TWSG1: variants seen among roughly 807,000 people sequenced by gnomAD.
The protein encoded by TWSG1 is twisted gastrulation protein homolog 1.
In TWSG1, 15 loss-of-function variants were observed where a neutral mutation model predicts 23.0. The ratio of observed to expected loss-of-function variants is 0.65; its 90% CI spans 0.44 to 1.00. TWSG1 has a LOEUF of 1.00. Ranked by LOEUF, TWSG1 falls within the 50% of genes least tolerant of loss-of-function variation. The pLI, the probability that TWSG1 is intolerant of heterozygous loss-of-function variation, is 0.00. For synonymous variants in TWSG1, 86 were observed against 92.8 expected (o/e 0.93, Z 0.42); for missense variants, 242 against 278.7 (o/e 0.87, Z 0.94).
intron 3 of TWSG1, among the ~76,000 whole-genome samples, chr18:9,390,219 G>A (rs570192644): frequency 8.9e-4 from 135 of 151,856 alleles, no homozygotes; most frequent in African/African-American, 3.2e-3. Context: ...AGAGTGCAGT[G>A]GCGCGATCTC....
chr18:9,382,176 C>CT (rs1333990607), intron 3 of TWSG1, among the ~76,000 whole-genome samples: 1 of 150,778 alleles, frequency 6.6e-6, no homozygotes, highest in Non-Finnish European at 1.5e-5. Flanking sequence ...AAAGTTCTAA[C>CT]TTTTGGGAAA....
chr18:9,376,417 TG>T (rs1471518055), intron 3 of TWSG1, among the ~76,000 whole-genome samples: 1 of 152,094 alleles, frequency 6.6e-6, no homozygotes, highest in Non-Finnish European at 1.5e-5. Flanking sequence ...CAAGACAGTG[TG>T]GTAATGGCAA....
chr18:9,396,267 AC>A lies in TWSG1; in HGVS notation c.224-8del. 6.2e-7 allele frequency: 1 copy of A among 1,612,130 alleles called. No homozygotes were observed. Among genetic ancestry groups the A allele is most frequent in the Non-Finnish European group, 8.5e-7 (1 of 1,178,748 alleles). On this transcript the variant is annotated splice_polypyrimidine_tract_variant and intron_variant, in intron 3 of 4. Coordinates refer to ENST00000262120, the MANE Select transcript of TWSG1 (RefSeq NM_020648.6). ...GTAACTAACAAAATCTTATGATATTACCCCCAACCCAGGTATGTGTAATCCT... is the reference window on the plus strand; with the variant it reads ...GTAACTAACAAAATCTTATGATATTACCCCAACCCAGGTATGTGTAATCCT...
rs139450426 is a variant in TWSG1, at chr18:9,382,595, C to T, written c.224-13685C>T. On this transcript the variant is annotated intron_variant, in intron 3 of 4. Transcript: ENST00000262120. ...TTGGGAGGCTGAGGCGGGCAGATCA[C>T]CTGAGGTCAGGAGTTCGCCTGGCCA... Among the ~76,000 whole-genome samples, 507 of 151,440 alleles carry T rather than the reference C, an allele frequency of 3.3e-3. 2 individuals carry two copies. Among genetic ancestry groups the T allele is most frequent in the African/African-American group, 0.012 (482 of 41,236 alleles).
chr18:9,374,134 T>G (rs2040618322), intron 3 of TWSG1, among the ~76,000 whole-genome samples: 1 of 151,864 alleles, frequency 6.6e-6, no homozygotes, highest in African/African-American at 2.4e-5. Flanking sequence ...TTTAGAAAAC[T>G]AGAAAAAGAA....
intron 4 of TWSG1, 73 bp downstream of exon 4, chr18:9,396,619 A>G (rs759850977): frequency 1.6e-5 from 24 of 1,521,014 alleles, no homozygotes; most frequent in Non-Finnish European, 1.9e-5. Flanking sequence ...TAAAACCTAT[A>G]TAAGACCATC....
chr18:9,344,491 A>ATGTGTGTGTG (rs57863617), intron 2 of TWSG1, among the ~76,000 whole-genome samples: 1,964 of 136,674 alleles, frequency 0.014, 73 homozygotes, highest in African/African-American at 0.053. Flanking sequence ...TAGTGAATGC[A>ATGTGTGTGTG]TGTGTGTGTG....
intron 3 of TWSG1, among the ~76,000 whole-genome samples, chr18:9,361,895 A>C (rs1382228738): frequency 6.6e-6 from 1 of 152,134 alleles, no homozygotes; most frequent in Admixed American, 6.5e-5. Context: ...CCACTCTGGC[A>C]CCTCCAGCTC....
intron 4 of TWSG1, among the ~76,000 whole-genome samples, chr18:9,398,048 G>C (rs2040746111): frequency 6.7e-6 from 1 of 149,998 alleles, no homozygotes; most frequent in African/African-American, 2.4e-5. Context: ...AAAAAACAGT[G>C]TGAGCTTCGA....
rs76936751 is a variant in TWSG1, at chr18:9,383,202, T to G, written c.224-13078T>G. 6.1e-3 allele frequency among the ~76,000 whole-genome samples: 253 copies of G among 41,514 alleles called. 4 individuals are homozygous for G. The highest frequency in any genetic ancestry group is 0.021 in the African/African-American group (215 of 10,236). The allele number at this position is 41,514 out of a possible 152,430, so 27.2% of individuals were successfully genotyped here. The stretch of plus-strand genomic sequence containing the variant: ...TTACACGTTTTTTTTTTGTTTTTTT[T>G]TTTTTTTTTTGAGATGGAGTCTTGC... On this transcript the variant is annotated intron_variant, in intron 3 of 4. Transcript: ENST00000262120.
intron 3 of TWSG1, among the ~76,000 whole-genome samples, chr18:9,368,669 T>A (rs538337524): frequency 6.6e-6 from 1 of 152,020 alleles, no homozygotes; most frequent in Admixed American, 6.6e-5. Flanking sequence ...AAAAATTGGC[T>A]GGGCACGGCG....
intron 3 of TWSG1, among the ~76,000 whole-genome samples, chr18:9,381,159 C>T (rs73383423): frequency 6.6e-6 from 1 of 152,206 alleles, no homozygotes; most frequent in East Asian, 1.9e-4. Context: ...AAACCCCTCT[C>T]ACAATGAGGT....
chr18:9,359,484 A>G (rs1457348835), intron 2 of TWSG1, among the ~76,000 whole-genome samples: 2 of 152,234 alleles, frequency 1.3e-5, no homozygotes, highest in African/African-American at 4.8e-5. Context: ...AGAGAGGGGA[A>G]TAATTGCCAC....
At chr18:9,381,622 A>G (rs1403895795) in intron 3 of TWSG1, among the ~76,000 whole-genome samples, 2 of 152,334 alleles carry the variant, frequency 1.3e-5, no homozygotes, top group East Asian at 1.9e-4. Context: ...TCTTCAAAAT[A>G]TAATTTAAAA....
intron 2 of TWSG1, among the ~76,000 whole-genome samples, chr18:9,341,705 A>G (rs568724826): frequency 6.6e-6 from 1 of 152,096 alleles, no homozygotes; most frequent in Non-Finnish European, 1.5e-5. Context: ...AATATATTTA[A>G]GGTTTTCTAT....
intron 2 of TWSG1, among the ~76,000 whole-genome samples, chr18:9,345,582 A>G (rs1226762379): frequency 6.6e-6 from 1 of 152,154 alleles, no homozygotes; most frequent in Non-Finnish European, 1.5e-5. Context: ...CGGTTTATTT[A>G]TGGACTGTCA....
chr18:9,368,395 G>T (rs1273904957), intron 3 of TWSG1, among the ~76,000 whole-genome samples: 1 of 152,124 alleles, frequency 6.6e-6, no homozygotes, highest in Non-Finnish European at 1.5e-5. Flanking sequence ...GAGAGATAGG[G>T]TTTCGCCATC....
chr18:9,400,921 A>G lies in TWSG1; in HGVS notation c.*1394A>G, dbSNP rs1040660439. On this transcript the variant is annotated 3_prime_UTR_variant, in exon 5 of 5. Coordinates refer to ENST00000262120, the MANE Select transcript of TWSG1 (RefSeq NM_020648.6). Reference sequence around the variant, plus strand: ...TGCTCTAGTGCATATTTGAACTACAAGCAACTTTTTAGGAATACCTCTTTA... The same window carrying G: ...TGCTCTAGTGCATATTTGAACTACAGGCAACTTTTTAGGAATACCTCTTTA... 3 of 152,326 alleles carry G rather than the reference A, an allele frequency of 2.0e-5. No homozygotes were observed. Among genetic ancestry groups the G allele is most frequent in the Admixed American group, 2.0e-4 (3 of 15,300 alleles). The allele number at this position is 152,326 out of a possible 1,614,324, so 9.4% of individuals were successfully genotyped here.
intron 3 of TWSG1, among the ~76,000 whole-genome samples, chr18:9,372,213 G>A (rs192614801): frequency 2.5e-4 from 38 of 150,716 alleles, no homozygotes; most frequent in African/African-American, 9.0e-4. Flanking sequence ...TACATTCCAG[G>A]GCCCACAGTG....
Sources: allele counts gnomAD v4.1 joint callset (sites outside exome capture counted in the v4.1 genomes callset), GRCh38; gene constraint gnomAD v4.1.1; transcripts MANE v1.5; gene names NCBI Gene and HGNC (gene_info 2026-07-23, HGNC 2026-07-21).